The following PTPRD variants were observed in gnomAD, a reference collection of about 807,000 sequenced individuals.
PTPRD encodes the protein receptor-type tyrosine-protein phosphatase delta.
In PTPRD, 34 loss-of-function variants were observed where a neutral mutation model predicts 214.5. That is an observed-to-expected ratio of 0.16 (90% confidence interval 0.12 to 0.21). The LOEUF is 0.21. PTPRD is among the 10% of genes least tolerant of loss of function. The pLI is 1.00. For synonymous variants in PTPRD, 1,128 were observed against 845.7 expected, an observed-to-expected ratio of 1.33 and a Z score of -5.79; for missense variants, 2,545 against 2,398.7, an observed-to-expected ratio of 1.06 and a Z score of -1.27.
chr9:9,203,236 C>A (rs958606613), intron 9 of PTPRD, among the ~76,000 whole-genome samples: 2 of 152,002 alleles, frequency 1.3e-5, no homozygotes, highest in African/African-American at 4.8e-5. Context: ...ATCAGACACA[C>A]ACACACACAC....
chr9:9,593,106 G>A (rs1199627561), intron 7 of PTPRD, among the ~76,000 whole-genome samples: 1 of 145,616 alleles, frequency 6.9e-6, no homozygotes, highest in South Asian at 2.2e-4. Context: ...GACAGAGAGA[G>A]AGAAAGGAAG....
At chr9:8,677,845 C>T (rs1189260128) in intron 12 of PTPRD, among the ~76,000 whole-genome samples, 1 of 152,090 alleles carries the variant, frequency 6.6e-6, no homozygotes, top group African/African-American at 2.4e-5. Context: ...GGGAAGCGAG[C>T]AACACATTTA....
At position 9,749,207 on chromosome 9, in the gene PTPRD, T is replaced by C. The variant is rs554293347; in HGVS notation, c.-325-14636A>G. The stretch of plus-strand genomic sequence containing the variant: ...TCAGTTTCAAATCTCAGTCAATTTC[T>C]ATGCTGTCATGTGATGATCAGGGAG... On this transcript the variant is annotated intron_variant, in intron 6 of 45. Coordinates refer to ENST00000381196, the MANE Select transcript of PTPRD (RefSeq NM_002839.4). Among the ~76,000 whole-genome samples the C allele has an allele frequency of 3.9e-5, 6 of 152,276 alleles. No individual in the cohort carries two copies. In the South Asian group the frequency reaches 1.2e-3, roughly 32 times the overall value.
chr9:9,448,191 T>C lies in PTPRD; in HGVS notation c.-236-50709A>G, dbSNP rs77989889. ...GTTGTAAAATTTTCAAAAATAAAAA[T>C]GATCAAATCACATTTATACACTTAG... On this transcript the variant is annotated intron_variant, in intron 8 of 45. Transcript: ENST00000381196. Among the ~76,000 whole-genome samples, 238 of 152,124 alleles carry C rather than the reference T, an allele frequency of 1.6e-3. 2 individuals carry two copies. The East Asian group carries it at 0.03, about 19-fold the overall frequency.
At chr9:10,243,930 T>C (rs577165141) in intron 3 of PTPRD, among the ~76,000 whole-genome samples, 323 of 152,112 alleles carry the variant, frequency 2.1e-3, no homozygotes, top group Middle Eastern at 3.4e-3. Context: ...TACATCAAAG[T>C]TTGATCATTT....
At chr9:8,499,233 G>A (rs914596932) in intron 25 of PTPRD, among the ~76,000 whole-genome samples, 4 of 152,106 alleles carry the variant, frequency 2.6e-5, no homozygotes, top group African/African-American at 9.7e-5. Context: ...AGTGGAAGAA[G>A]ACACACATTT....
chr9:8,339,769 C>A (rs1028993079), intron 42 of PTPRD, among the ~76,000 whole-genome samples: 1 of 151,178 alleles, frequency 6.6e-6, no homozygotes, highest in African/African-American at 2.4e-5. Flanking sequence ...AATATTAGGT[C>A]ATAGTGGTAG....
At chr9:10,505,470 G>C (rs189453729) in intron 2 of PTPRD, among the ~76,000 whole-genome samples, 104 of 152,252 alleles carry the variant, frequency 6.8e-4, no homozygotes, top group African/African-American at 2.5e-3. Flanking sequence ...ATCAGCCACT[G>C]AGTCAAACAG....
At chr9:10,152,187 T>G (rs1388935943) in intron 3 of PTPRD, among the ~76,000 whole-genome samples, 1 of 152,214 alleles carries the variant, frequency 6.6e-6, no homozygotes, top group East Asian at 1.9e-4. Context: ...TTGGCATCAT[T>G]TAGCATAAGT....
chr9:8,809,647 G>A (rs2096760320), intron 11 of PTPRD, among the ~76,000 whole-genome samples: 1 of 152,134 alleles, frequency 6.6e-6, no homozygotes, highest in African/African-American at 2.4e-5. Flanking sequence ...AAAAATTCCA[G>A]GTGTTAACTA....
chr9:10,507,724 G>A (rs1187712102), intron 2 of PTPRD, among the ~76,000 whole-genome samples: 1 of 152,148 alleles, frequency 6.6e-6, no homozygotes, highest in East Asian at 1.9e-4. Flanking sequence ...AATAAATGGT[G>A]CTGGGAAAAC....
intron 5 of PTPRD, among the ~76,000 whole-genome samples, chr9:9,912,384 G>C (rs1351188705): frequency 6.6e-6 from 1 of 152,128 alleles, no homozygotes; most frequent in Non-Finnish European, 1.5e-5. Flanking sequence ...AGTCTCCCTT[G>C]TCAAATGCCA....
At chr9:9,991,976 C>A (rs73406436) in intron 4 of PTPRD, among the ~76,000 whole-genome samples, 3 of 151,978 alleles carry the variant, frequency 2.0e-5, no homozygotes, top group African/African-American at 7.3e-5. Flanking sequence ...TACAACATAA[C>A]GAACCTCAAA....
intron 39 of PTPRD, 124 bp from the exon 40 acceptor site, chr9:8,342,102 T>A (rs895335762): frequency 7.4e-5 from 74 of 1,000,576 alleles, no homozygotes; most frequent in Non-Finnish European, 9.1e-5. Flanking sequence ...AAATAGCTAT[T>A]GGGATGACTT....
At chr9:8,705,926 C>T (rs570161188) in intron 12 of PTPRD, among the ~76,000 whole-genome samples, 9 of 152,200 alleles carry the variant, frequency 5.9e-5, no homozygotes, top group African/African-American at 1.9e-4. Flanking sequence ...ATAAAAATGG[C>T]CAACTGTGAT....
intron 5 of PTPRD, among the ~76,000 whole-genome samples, chr9:9,882,904 A>G (rs2069296072): frequency 6.6e-6 from 1 of 152,120 alleles, no homozygotes; most frequent in Admixed American, 6.6e-5. Flanking sequence ...ATGAGGTCAC[A>G]TGAGTTTTGG....
chr9:8,842,171 A>C (rs1361741335), intron 11 of PTPRD, among the ~76,000 whole-genome samples: 2 of 152,156 alleles, frequency 1.3e-5, no homozygotes, highest in East Asian at 3.8e-4. Flanking sequence ...AGAACCTGTG[A>C]CGCTCCCTGT....
At chr9:9,251,636 T>C (rs952657151) in intron 9 of PTPRD, among the ~76,000 whole-genome samples, 4 of 152,114 alleles carry the variant, frequency 2.6e-5, no homozygotes, top group African/African-American at 9.7e-5. Context: ...TTATTATTTT[T>C]TGTATTTTAC....
At chr9:8,414,641 C>A (rs751215279) in intron 35 of PTPRD, among the ~76,000 whole-genome samples, 3 of 151,834 alleles carry the variant, frequency 2.0e-5, no homozygotes, top group Non-Finnish European at 4.4e-5. Flanking sequence ...GTTAGGTAGT[C>A]CCTACATCCC....
Sources: gnomAD v4.1 joint callset for allele counts (sites outside exome capture counted in the v4.1 genomes callset) on GRCh38, gnomAD v4.1.1 for gene constraint, MANE v1.5 for transcripts, NCBI Gene and HGNC (gene_info 2026-07-23, HGNC 2026-07-21) for gene names.